The following GFRAL variants were observed in gnomAD, a reference collection of about 807,000 sequenced individuals.
The protein encoded by GFRAL is GDNF family receptor alpha like.
Under a neutral mutation model 45.4 loss-of-function variants are expected in GFRAL, and 36 were observed. That is an observed-to-expected ratio of 0.79 (90% CI 0.61 to 1.05). The LOEUF (loss-of-function observed/expected upper bound fraction) is 1.05, where lower values mean the gene tolerates loss of function less well. Ranked by LOEUF, GFRAL falls within the 50% of genes least tolerant of loss-of-function variation. GFRAL has a pLI of 0.00. For missense variants in GFRAL, 507 were observed against 467.5 expected (o/e 1.08, Z -0.78); for synonymous variants, 166 against 154.1 (o/e 1.08, Z -0.57).
intron 8 of GFRAL, among the ~76,000 whole-genome samples, chr6:55,401,506 A>T (rs966614564): frequency 6.6e-6 from 1 of 152,240 alleles, no homozygotes; most frequent in Non-Finnish European, 1.5e-5. Flanking sequence ...GCTATATTCA[A>T]ATAGCCCAGA....
chr6:55,391,323 C>G (rs1306614829), intron 6 of GFRAL, among the ~76,000 whole-genome samples: 2 of 152,130 alleles, frequency 1.3e-5, no homozygotes, highest in Non-Finnish European at 2.9e-5. Flanking sequence ...AAATAAAACT[C>G]TACATTGTCT....
At chr6:55,368,972 A>G (rs1371871203) in intron 6 of GFRAL, among the ~76,000 whole-genome samples, 1 of 152,150 alleles carries the variant, frequency 6.6e-6, no homozygotes, top group African/African-American at 2.4e-5. Context: ...GGCTCCACCC[A>G]GTTGGAGCTT....
At chr6:55,370,605 C>G (rs1339911021) in intron 6 of GFRAL, among the ~76,000 whole-genome samples, 1 of 152,170 alleles carries the variant, frequency 6.6e-6, no homozygotes, top group Non-Finnish European at 1.5e-5. Context: ...AGATAATTCT[C>G]TAGGGAGCAG....
In GFRAL at chr6:55,361,395, A is replaced by G. The variant is rs1768273335; in HGVS notation, c.952+2257A>G. On this transcript the variant is annotated intron_variant, in intron 6 of 8. Transcript: ENST00000340465. ...ATATAACCTATGTATATCCTCCCATATACTTTAAATAATATCTAGAATACT... is the reference window on the plus strand; with the variant it reads ...ATATAACCTATGTATATCCTCCCATGTACTTTAAATAATATCTAGAATACT... Among the ~76,000 whole-genome samples the G allele has an allele frequency of 2.6e-5, 4 of 152,156 alleles. No individual in the cohort carries two copies. The South Asian group carries it at 8.3e-4, about 32-fold the overall frequency.
intron 6 of GFRAL, among the ~76,000 whole-genome samples, chr6:55,370,957 T>G (rs1455862886): frequency 1.3e-5 from 2 of 152,226 alleles, no homozygotes; most frequent in Non-Finnish European, 2.9e-5. Context: ...AGTTCTCAGC[T>G]GCCTGCTCCC....
chr6:55,385,559 C>G lies in GFRAL; in HGVS notation c.953-13621C>G, dbSNP rs185277725. On this transcript the variant is annotated intron_variant, in intron 6 of 8. Coordinates refer to ENST00000340465, the MANE Select transcript of GFRAL (RefSeq NM_207410.2). ...CTAAAAATTAGTAACTTGTCCAAGT[C>G]ACAAAAAAAGACAATAGAGCCAGAA... is the stretch of plus-strand genomic sequence containing the variant. Among the ~76,000 whole-genome samples the G allele has an allele frequency of 5.2e-3, 796 of 152,006 alleles. 16 individuals are homozygous for G. Among genetic ancestry groups the G allele is most frequent in the East Asian group, 1.5e-3 (8 of 5,168 alleles).
rs1166005783 is a variant in GFRAL, at chr6:55,368,073, G to A, written c.952+8935G>A. 2.7e-5 allele frequency among the ~76,000 whole-genome samples: 4 copies of A among 148,944 alleles called. No homozygotes were observed. The East Asian group carries it at 5.9e-4, about 22-fold the overall frequency. On this transcript the variant is annotated intron_variant, in intron 6 of 8. Transcript: ENST00000340465. ...GTTCCATTCTCCCCATCACTTTCAGGTACACCAATCAGATGTAGATTTGGT... is the reference window on the plus strand; with the variant it reads ...GTTCCATTCTCCCCATCACTTTCAGATACACCAATCAGATGTAGATTTGGT...
chr6:55,396,760 T>C (rs1353948774), intron 6 of GFRAL, among the ~76,000 whole-genome samples: 1 of 152,112 alleles, frequency 6.6e-6, no homozygotes, highest in Non-Finnish European at 1.5e-5. Flanking sequence ...CTTGCAACTT[T>C]ATAGTGAATA....
chr6:55,368,570 G>T (rs1337747192), intron 6 of GFRAL, among the ~76,000 whole-genome samples: 2 of 151,940 alleles, frequency 1.3e-5, no homozygotes, highest in East Asian at 3.9e-4. Flanking sequence ...CATCTTTGTG[G>T]TTTTATCTAC....
At position 55,351,596 on chromosome 6, in the gene GFRAL, A is replaced by G. The variant is rs1379201816; in HGVS notation, c.701+13A>G. 6.4e-7 allele frequency: 1 copy of G among 1,573,760 alleles called. No homozygotes were observed. The highest frequency in any genetic ancestry group is 2.3e-5 in the East Asian group (1 of 44,138). ...ATGAATTATGCAGGTGGGTAAAAAC[A>G]CTCATACCTTACTTTCTTATTTCGG... On this transcript the variant is annotated intron_variant, in intron 5 of 8. Coordinates refer to ENST00000340465, the MANE Select transcript of GFRAL (RefSeq NM_207410.2).
In GFRAL at chr6:55,389,592, G is replaced by C. The variant is rs189066932; in HGVS notation, c.953-9588G>C. Among the ~76,000 whole-genome samples, 3 of 152,176 alleles carry C rather than the reference G, an allele frequency of 2.0e-5. No individual in the cohort carries two copies. The East Asian group carries it at 5.8e-4, about 29-fold the overall frequency. The stretch of plus-strand genomic sequence containing the variant: ...TATTATCCTAAAATTTTCTAGGATA[G>C]AAAACTGGAGCATCAATGAGTCAGA... On this transcript the variant is annotated intron_variant, in intron 6 of 8. Coordinates refer to ENST00000340465, the MANE Select transcript of GFRAL (RefSeq NM_207410.2).
In GFRAL at chr6:55,351,309, G is replaced by A; in HGVS notation, c.427G>A (p.Val143Ile). Reference sequence around the variant, plus strand: ...GGCAGAGGCATGTGTAGGGGATGTGGTCTGTAATGCACAGTTGGCCTCTTA... The same window carrying A: ...GGCAGAGGCATGTGTAGGGGATGTGATCTGTAATGCACAGTTGGCCTCTTA... ...EVAEACVGDV[V>I]CNAQLASYLK... Residue 143 changes from valine (V) to isoleucine (I), a missense_variant, in exon 5 of 9, where the codon GTC becomes ATC. Transcript: ENST00000340465. 1 of 1,613,176 alleles carries A rather than the reference G, an allele frequency of 6.2e-7. No homozygotes were observed. The highest frequency in any genetic ancestry group is 8.5e-7 in the Non-Finnish European group (1 of 1,179,450).
chr6:55,359,511 T>A (rs1768244838), intron 6 of GFRAL, among the ~76,000 whole-genome samples: 1 of 151,946 alleles, frequency 6.6e-6, no homozygotes, highest in East Asian at 1.9e-4. Flanking sequence ...CGATAACCAT[T>A]TATTTGCTCA....
At chr6:55,387,372 C>G (rs1319043041) in intron 6 of GFRAL, among the ~76,000 whole-genome samples, 1 of 152,152 alleles carries the variant, frequency 6.6e-6, no homozygotes, top group African/African-American at 2.4e-5. Flanking sequence ...AACAAGCAGC[C>G]TTTCCTTTAT....
chr6:55,380,689 G>A (rs1199298939), intron 6 of GFRAL, among the ~76,000 whole-genome samples: 1 of 151,870 alleles, frequency 6.6e-6, no homozygotes. Flanking sequence ...CTAATACCAT[G>A]CAGCTCCCAA....
rs565573025 is a variant in GFRAL at position 55,346,024 on chromosome 6, T to TA, written c.317-4062dup. Among the ~76,000 whole-genome samples, 525 of 152,158 alleles carry TA rather than the reference T, an allele frequency of 3.5e-3. 6 individuals are homozygous for TA. The highest frequency in any genetic ancestry group is 9.7e-3 in the African/African-American group (403 of 41,504). On this transcript the variant is annotated intron_variant, in intron 3 of 8. Transcript: ENST00000340465. ...TCACACCAGTTAGAATGGCGATCAT[T>TA]AAAAAATCAGGAAACAACAGGTGCT...
At chr6:55,351,827 T>A (rs1768122201) in intron 5 of GFRAL, among the ~76,000 whole-genome samples, 1 of 152,124 alleles carries the variant, frequency 6.6e-6, no homozygotes, top group Non-Finnish European at 1.5e-5. Flanking sequence ...AGCCATGAAA[T>A]AATATTATAA....
At chr6:55,370,197 TAAAG>T (rs1337412364) in intron 6 of GFRAL, among the ~76,000 whole-genome samples, 1 of 152,046 alleles carries the variant, frequency 6.6e-6, no homozygotes, top group African/African-American at 2.4e-5. Flanking sequence ...ATCATTCAGT[TAAAG>T]AAAAATAACA....
chr6:55,344,902 C>G (rs1768018190), intron 3 of GFRAL, among the ~76,000 whole-genome samples: 2 of 152,108 alleles, frequency 1.3e-5, no homozygotes. Context: ...CAATAATAGA[C>G]AAACAGAGAG....
Sources: gnomAD v4.1 joint callset for allele counts (sites outside exome capture counted in the v4.1 genomes callset) on GRCh38, gnomAD v4.1.1 for gene constraint, MANE v1.5 for transcripts, NCBI Gene and HGNC (gene_info 2026-07-23, HGNC 2026-07-21) for gene names.